PTPRN2: variants seen among roughly 807,000 people sequenced by gnomAD.
The protein encoded by PTPRN2 is protein tyrosine phosphatase receptor type N2, also known as receptor-type tyrosine-protein phosphatase N2.
A neutral mutation model predicts 118.8 loss-of-function variants in PTPRN2; 74 were observed. That is an observed-to-expected ratio of 0.62 (90% CI 0.52 to 0.76). PTPRN2 has a LOEUF of 0.76. Among genes scored for constraint, PTPRN2 ranks in the 30% least tolerant of loss-of-function variants. The pLI is 0.00. For synonymous variants in PTPRN2, 641 were observed against 608.0 expected, an observed-to-expected ratio of 1.05 and a Z score of -0.80; for missense variants, 1,481 against 1,394.4, an observed-to-expected ratio of 1.06 and a Z score of -0.99.
intron 2 of PTPRN2, among the ~76,000 whole-genome samples, chr7:158,479,584 T>G (rs1042773321): frequency 1.3e-5 from 2 of 152,176 alleles, no homozygotes; most frequent in Admixed American, 6.5e-5. Flanking sequence ...AAAAATAGAA[T>G]AATAACTTTT....
At chr7:157,994,593 A>AGCACCGC (rs1804539178) in intron 11 of PTPRN2, among the ~76,000 whole-genome samples, 2 of 127,968 alleles carry the variant, frequency 1.6e-5, no homozygotes, top group Non-Finnish European at 3.3e-5. Context: ...TTCCTAAATC[A>AGCACCGC]ATGCCGCGTC....
At chr7:157,724,204 A>C (rs952949578) in intron 12 of PTPRN2, among the ~76,000 whole-genome samples, 5 of 152,124 alleles carry the variant, frequency 3.3e-5, no homozygotes, top group African/African-American at 1.2e-4. Context: ...CCCCCGTCTG[A>C]ATTGCGCTGG....
chr7:157,563,662 G>T (rs1341563758), intron 21 of PTPRN2, among the ~76,000 whole-genome samples: 1 of 142,400 alleles, frequency 7.0e-6, no homozygotes, highest in African/African-American at 2.7e-5. Flanking sequence ...AGGACCACGT[G>T]CTCCCGCATC....
intron 6 of PTPRN2, among the ~76,000 whole-genome samples, chr7:158,146,646 A>G (rs183437588): frequency 3.6e-4 from 54 of 149,022 alleles, no homozygotes; most frequent in Admixed American, 7.4e-4. Context: ...GTGTGAACCC[A>G]GGAGGCGGAG....
At chr7:158,387,391 C>T (rs1305311298) in intron 2 of PTPRN2, among the ~76,000 whole-genome samples, 2 of 152,266 alleles carry the variant, frequency 1.3e-5, no homozygotes, top group African/African-American at 2.4e-5. Flanking sequence ...ACTGCCTTCG[C>T]TGGGGTCTCC....
Position 158,574,687 on chromosome 7 carries a change from T to G in PTPRN2, c.112+12871A>C, listed in dbSNP as rs1828228202. ...TGGCATGGAAGGGGCCAATACTTCT[T>G]TCTTTCTTTTAAAGTTTGTTCTGCC... is the stretch of plus-strand genomic sequence containing the variant. On this transcript the variant is annotated intron_variant, in intron 1 of 22. Transcript: ENST00000389418. The surrounding 1 kb of genome is among the most constrained non-coding windows in gnomAD (Gnocchi z 4.6). Among the ~76,000 whole-genome samples the G allele has an allele frequency of 6.6e-6, 1 of 152,240 alleles. No individual in the cohort carries two copies.
chr7:158,423,597 C>T (rs985214453), intron 2 of PTPRN2, among the ~76,000 whole-genome samples: 3 of 151,976 alleles, frequency 2.0e-5, no homozygotes, highest in Admixed American at 1.3e-4. Flanking sequence ...GCAATGGCAC[C>T]ATCTCAGCTC....
intron 15 of PTPRN2, chr7:157,616,100 C>T (rs936546402): frequency 1.2e-5 from 2 of 163,234 alleles, no homozygotes; most frequent in African/African-American, 4.8e-5. Flanking sequence ...TCGCCCCACA[C>T]TGTGAGACCC....
chr7:158,007,898 G>T (rs1805751121), intron 11 of PTPRN2, among the ~76,000 whole-genome samples: 1 of 150,890 alleles, frequency 6.6e-6, no homozygotes, highest in Non-Finnish European at 1.5e-5. Flanking sequence ...GTATGTATCT[G>T]GTTGTGTGCA....
At chr7:158,382,826 A>G (rs1476663800) in intron 2 of PTPRN2, among the ~76,000 whole-genome samples, 1 of 152,216 alleles carries the variant, frequency 6.6e-6, no homozygotes, top group African/African-American at 2.4e-5. Flanking sequence ...CAGAGATCAC[A>G]ATCAATCAAT....
chr7:157,917,960 T>C (rs1235952791), intron 11 of PTPRN2, among the ~76,000 whole-genome samples: 1 of 152,154 alleles, frequency 6.6e-6, no homozygotes, highest in Admixed American at 6.5e-5. Flanking sequence ...ACTAAGATTT[T>C]TTTGTATTAA....
chr7:157,900,195 G>A (rs919265173), intron 11 of PTPRN2, among the ~76,000 whole-genome samples: 2 of 152,216 alleles, frequency 1.3e-5, no homozygotes, highest in Non-Finnish European at 2.9e-5. Flanking sequence ...TGAAGGGCAG[G>A]TAACAACTGG....
chr7:157,699,878 G>A (rs944560776), intron 12 of PTPRN2, among the ~76,000 whole-genome samples: 8 of 152,200 alleles, frequency 5.3e-5, no homozygotes, highest in African/African-American at 1.9e-4. Flanking sequence ...CGGTCAGTGC[G>A]GTGGGATGCA....
intron 1 of PTPRN2, among the ~76,000 whole-genome samples, chr7:158,498,602 G>T (rs888587520): frequency 4.7e-5 from 7 of 149,282 alleles, no homozygotes; most frequent in Admixed American, 1.3e-4. Context: ...TCCTGAAATG[G>T]GATAATACCT....
At chr7:157,580,080 G>C (rs190208902) in intron 17 of PTPRN2, among the ~76,000 whole-genome samples, 1 of 152,146 alleles carries the variant, frequency 6.6e-6, no homozygotes, top group Non-Finnish European at 1.5e-5. Context: ...ATTTCTAATC[G>C]GGGAGAAGTT....
At chr7:158,034,566 C>A (rs1261700744) in intron 11 of PTPRN2, among the ~76,000 whole-genome samples, 1 of 152,196 alleles carries the variant, frequency 6.6e-6, no homozygotes, top group African/African-American at 2.4e-5. Flanking sequence ...CCTCCCCAGC[C>A]ACATGGAACT....
chr7:158,017,690 G>A (rs1202657106), intron 11 of PTPRN2, among the ~76,000 whole-genome samples: 1 of 152,128 alleles, frequency 6.6e-6, no homozygotes. Flanking sequence ...AGCAGCCCAC[G>A]TGGGGACCCT....
intron 2 of PTPRN2, among the ~76,000 whole-genome samples, chr7:158,353,521 G>T (rs1031218906): frequency 1.3e-5 from 2 of 152,182 alleles, no homozygotes; most frequent in African/African-American, 4.8e-5. Flanking sequence ...TGGGGTTTCT[G>T]GTTCCAAACG....
chr7:158,394,437 C>G (rs753039839), intron 2 of PTPRN2, among the ~76,000 whole-genome samples: 41 of 152,234 alleles, frequency 2.7e-4, no homozygotes, highest in Non-Finnish European at 4.9e-4. Flanking sequence ...CTGTCCCAGC[C>G]TGCGACGGGG....
Sources: allele counts gnomAD v4.1 joint callset (sites outside exome capture counted in the v4.1 genomes callset), GRCh38; gene constraint gnomAD v4.1.1; non-coding constraint Gnocchi (gnomAD v3.1); transcripts MANE v1.5; gene names NCBI Gene and HGNC (gene_info 2026-07-23, HGNC 2026-07-21).